SIK3: variants seen among roughly 807,000 people sequenced by gnomAD.
SIK3 encodes the protein serine/threonine-protein kinase SIK3.
A neutral mutation model predicts 144.2 loss-of-function variants in SIK3; 28 were observed. That is an observed-to-expected ratio of 0.19 (90% CI 0.14 to 0.27). The LOEUF (loss-of-function observed/expected upper bound fraction) is 0.27, where lower values mean the gene tolerates loss of function less well. Ranked by LOEUF, SIK3 falls within the 10% of genes least tolerant of loss-of-function variation. The pLI is 1.00. For synonymous variants in SIK3, 686 were observed against 676.3 expected, an observed-to-expected ratio of 1.01 and a Z score of -0.22; for missense variants, 1,319 against 1,776.0, an observed-to-expected ratio of 0.74 and a Z score of 4.62.
intron 1 of SIK3, among the ~76,000 whole-genome samples, chr11:117,072,831 A>C (rs890464254): frequency 2.0e-5 from 3 of 152,234 alleles, no homozygotes; most frequent in African/African-American, 7.2e-5. Flanking sequence ...ATGGTGGCTG[A>C]AAGTAGATCA....
At chr11:117,018,720 A>ATT (rs58490007) in intron 1 of SIK3, among the ~76,000 whole-genome samples, 1 of 148,290 alleles carries the variant, frequency 6.7e-6, no homozygotes, top group African/African-American at 2.5e-5. Context: ...TATTTTATTT[A>ATT]TTTTTTTTTT....
At chr11:117,029,010 G>T (rs955232762) in intron 1 of SIK3, among the ~76,000 whole-genome samples, 1 of 151,532 alleles carries the variant, frequency 6.6e-6, no homozygotes, top group South Asian at 2.1e-4. Flanking sequence ...CTGGGTTCAA[G>T]TGATTTTCCC....
At position 117,021,928 on chromosome 11, in the gene SIK3, C is replaced by CAAAAAAAAAAAAAAAAAAA. The variant is rs71037444; in HGVS notation, c.274-64883_274-64865dup. Among the ~76,000 whole-genome samples, 17 of 58,998 alleles carry CAAAAAAAAAAAAAAAAAAA rather than the reference C, an allele frequency of 2.9e-4. 1 individual carries two copies. The highest frequency in any genetic ancestry group is 6.7e-4 in the Admixed American group (3 of 4,486). 38.7% of individuals were successfully genotyped at this position (58,998 alleles called of 152,430 possible). A position where few individuals can be genotyped will look rare whatever the true frequency, so the allele number is the denominator to read the frequency against. On this transcript the variant is annotated intron_variant, in intron 1 of 24. Transcript: ENST00000445177. The stretch of plus-strand genomic sequence containing the variant: ...ATAGCACAGTGAGCCTCTGTCTCTA[C>CAAAAAAAAAAAAAAAAAAA]AAAAAAAAAAAAAAAAAAAAAAAAA...
At position 116,875,398 on chromosome 11, in the gene SIK3, G is replaced by C. The variant is rs1187904650; in HGVS notation, c.1293C>G (p.Ile431Met). 4 of 1,614,076 alleles carry C rather than the reference G, an allele frequency of 2.5e-6. No homozygotes were observed. In the Admixed American group the frequency reaches 6.7e-5, roughly 27 times the overall value. ...CCTCCACAATTTGGTTCTCTGGGTT[G>C]ATCAGCTGCACCTGGGGAACGCTGA... ...MNISVPQVQL[I>M]NPENQIVEPD... The change falls in exon 10 of 25, where the codon ATC becomes ATG. Residue 431 changes from isoleucine to methionine, a missense_variant. Transcript: ENST00000445177.
chr11:116,992,194 G>A (rs904259028), intron 1 of SIK3, among the ~76,000 whole-genome samples: 4 of 151,718 alleles, frequency 2.6e-5, no homozygotes, highest in Admixed American at 2.0e-4. Context: ...GCGTGGTGGT[G>A]GGCGCCTATA....
chr11:116,929,881 A>C (rs1467238171), intron 3 of SIK3, among the ~76,000 whole-genome samples: 2 of 152,214 alleles, frequency 1.3e-5, no homozygotes, highest in Admixed American at 6.5e-5. Flanking sequence ...TGCAGAGCTT[A>C]AAGGTGATTT....
chr11:116,870,520 T>C lies in SIK3; in HGVS notation c.1738-119A>G, dbSNP rs1784667448. On this transcript the variant is annotated intron_variant, in intron 13 of 24. Transcript: ENST00000445177. ...AACTTTCTTATTTACAGAACTTTTC[T>C]AGACTCCTGGGTTATACAGGATTTT... The C allele has an allele frequency of 4.4e-6, 6 of 1,359,298 alleles. No homozygotes were observed. The South Asian group carries it at 7.6e-5, about 17-fold the overall frequency. 84.2% of individuals were successfully genotyped at this position (1,359,298 alleles called of 1,614,324 possible).
At chr11:116,915,085 A>T (rs1307511473) in intron 4 of SIK3, among the ~76,000 whole-genome samples, 1 of 149,472 alleles carries the variant, frequency 6.7e-6, no homozygotes. Context: ...AAAAGTATTT[A>T]TTTAAAATTG....
chr11:117,026,071 G>C (rs1178637432), intron 1 of SIK3, among the ~76,000 whole-genome samples: 1 of 152,138 alleles, frequency 6.6e-6, no homozygotes, highest in Non-Finnish European at 1.5e-5. Context: ...AAGCCAAAAG[G>C]GGGAAATGTA....
At position 116,932,992 on chromosome 11, in the gene SIK3, A is replaced by G. The variant is rs151280891; in HGVS notation, c.455-5612T>C. Among the ~76,000 whole-genome samples, 110 of 152,156 alleles carry G rather than the reference A, an allele frequency of 7.2e-4. No individual in the cohort carries two copies. In the East Asian group the frequency reaches 0.016, roughly 22 times the overall value. The stretch of plus-strand genomic sequence containing the variant: ...CACCAAGTTGACCAAGCTGGTCTCA[A>G]ACTCATGGGCTCAAGTGATATTCCT... On this transcript the variant is annotated intron_variant, in intron 3 of 24. Coordinates refer to ENST00000445177, the MANE Select transcript of SIK3 (RefSeq NM_001366686.3).
intron 3 of SIK3, among the ~76,000 whole-genome samples, chr11:116,931,983 T>G (rs1322776991): frequency 2.6e-5 from 4 of 152,202 alleles, no homozygotes; most frequent in Admixed American, 2.6e-4. Context: ...TGTTGCTGCT[T>G]CTTGTTACTA....
chr11:116,983,442 A>C (rs937591688), intron 1 of SIK3, among the ~76,000 whole-genome samples: 2 of 151,798 alleles, frequency 1.3e-5, no homozygotes, highest in African/African-American at 4.8e-5. Context: ...AGGCAAGAGA[A>C]TCGCTTGAAC....
chr11:116,904,548 A>T (rs1945922375), intron 4 of SIK3, among the ~76,000 whole-genome samples: 1 of 152,132 alleles, frequency 6.6e-6, no homozygotes, highest in Non-Finnish European at 1.5e-5. Flanking sequence ...AATTTATTAT[A>T]ACCTTTGGCT....
chr11:116,925,245 T>TAACAAAA (rs1368649001), intron 4 of SIK3, among the ~76,000 whole-genome samples: 1 of 151,296 alleles, frequency 6.6e-6, no homozygotes, highest in East Asian at 1.9e-4. Context: ...TGAGGCCCTG[T>TAACAAAA]CTCGAAAACA....
intron 6 of SIK3, among the ~76,000 whole-genome samples, chr11:116,895,727 A>T (rs987860811): frequency 6.6e-6 from 1 of 152,194 alleles, no homozygotes; most frequent in Non-Finnish European, 1.5e-5. Flanking sequence ...GTTAAATAAA[A>T]TTTTTTAAAT....
Position 117,040,465 on chromosome 11 carries a change from C to T in SIK3, c.273+57678G>A, listed in dbSNP as rs528704668. Among the ~76,000 whole-genome samples, 5 of 152,216 alleles carry T rather than the reference C, an allele frequency of 3.3e-5. No individual in the cohort carries two copies. The South Asian group carries it at 1.0e-3, about 32-fold the overall frequency. ...ATGCTATTCCCTCTCTTCTGAAGCT[C>T]GAAATCTAAGACATGTGCATAAATA... is the stretch of plus-strand genomic sequence containing the variant. On this transcript the variant is annotated intron_variant, in intron 1 of 24. Coordinates refer to ENST00000445177, the MANE Select transcript of SIK3 (RefSeq NM_001366686.3).
chr11:117,092,530 T>G (rs947877223), intron 1 of SIK3, among the ~76,000 whole-genome samples: 3 of 152,190 alleles, frequency 2.0e-5, no homozygotes, highest in Admixed American at 6.5e-5. Context: ...ATTTTTAATT[T>G]TTTTACATGT....
chr11:116,860,767 T>G (rs1044305643), intron 19 of SIK3, among the ~76,000 whole-genome samples: 1 of 152,168 alleles, frequency 6.6e-6, no homozygotes, highest in Non-Finnish European at 1.5e-5. Context: ...GTAGTCCCCA[T>G]GTGTCAAGGG....
At chr11:116,925,014 C>T (rs896045747) in intron 4 of SIK3, among the ~76,000 whole-genome samples, 3 of 152,144 alleles carry the variant, frequency 2.0e-5, no homozygotes, top group African/African-American at 7.2e-5. Context: ...GAGATGAGGA[C>T]AGACACGGTG....
Sources: gnomAD v4.1 joint callset for allele counts (sites outside exome capture counted in the v4.1 genomes callset) on GRCh38, gnomAD v4.1.1 for gene constraint, MANE v1.5 for transcripts, NCBI Gene and HGNC (gene_info 2026-07-23, HGNC 2026-07-21) for gene names.